Variants in HSD17B14 observed in about 807,000 individuals in gnomAD.
HSD17B14 encodes the protein hydroxysteroid 17-beta dehydrogenase 14.
In HSD17B14, 32 loss-of-function variants were observed where a neutral mutation model predicts 32.2. That is an observed-to-expected ratio of 0.99 (90% CI 0.75 to 1.33). The LOEUF is 1.33. HSD17B14 is among the 40% of genes most tolerant of loss of function. The pLI is 0.00. For missense variants in HSD17B14, 370 were observed against 366.5 expected (o/e 1.01, Z -0.08); for synonymous variants, 140 against 155.4 (o/e 0.90, Z 0.74).
intron 5 of HSD17B14, among the ~76,000 whole-genome samples, chr19:48,822,283 G>A (rs1414127450): frequency 2.0e-5 from 3 of 150,846 alleles, no homozygotes; most frequent in African/African-American, 7.3e-5. Context: ...TGATGATGAT[G>A]AGGATGGTGA....
At chr19:48,833,591 C>T (rs1236633419) in intron 3 of HSD17B14, among the ~76,000 whole-genome samples, 2 of 152,062 alleles carry the variant, frequency 1.3e-5, no homozygotes, top group Admixed American at 6.6e-5. Context: ...CTTTGGGAGG[C>T]TGAGGCGGGC....
intron 5 of HSD17B14, among the ~76,000 whole-genome samples, chr19:48,821,047 C>A (rs1256485721): frequency 7.3e-6 from 1 of 137,662 alleles, no homozygotes; most frequent in African/African-American, 2.8e-5. Context: ...GAGTCTCACT[C>A]TGTCACCCAG....
Position 48,813,681 on chromosome 19 carries a change from T to A in HSD17B14, c.524A>T (p.Tyr175Phe). 1 of 1,614,100 alleles carries A rather than the reference T, an allele frequency of 6.2e-7. No individual in the cohort carries two copies. The highest frequency in any genetic ancestry group is 8.5e-7 in the Non-Finnish European group (1 of 1,180,014). ...TKALALDESP[Y>F]GVRVNCISPG... ...AGCTCACCAGTTGACTCGGACACCA[T>A]ATGGACTTTCATCCAGGGCCAAAGC... The change falls in exon 7 of 9, where the codon TAT becomes TTT. Residue 175 changes from tyrosine to phenylalanine, a missense_variant. Tyr to Phe is a conservative substitution (Grantham distance 22). Transcript: ENST00000263278.
Position 48,831,817 on chromosome 19 carries a change from C to T in HSD17B14, c.278-58G>A, listed in dbSNP as rs1057496047. ...GACGGGGGCTGGACACAGTTGCCCA[C>T]GCCTGTAATCCCAGCACTTTGGGAG... On this transcript the variant is annotated intron_variant, in intron 4 of 8. Transcript: ENST00000263278. The T allele has an allele frequency of 3.6e-5, 35 of 975,766 alleles. No homozygotes were observed. The African/African-American group carries it at 3.9e-4, about 11-fold the overall frequency. 60.4% of individuals were successfully genotyped at this position (975,766 alleles called of 1,614,324 possible).
At chr19:48,816,162 G>T (rs2035048174) in intron 5 of HSD17B14, among the ~76,000 whole-genome samples, 1 of 151,962 alleles carries the variant, frequency 6.6e-6, no homozygotes, top group Non-Finnish European at 1.5e-5. Context: ...ACATGACCTT[G>T]GATAAACTCA....
chr19:48,824,630 G>C (rs1211170880), intron 5 of HSD17B14, among the ~76,000 whole-genome samples: 2 of 151,844 alleles, frequency 1.3e-5, no homozygotes, highest in Non-Finnish European at 2.9e-5. Context: ...GCCCGGTGTA[G>C]TGGTGCGTGC....
intron 5 of HSD17B14, among the ~76,000 whole-genome samples, chr19:48,823,993 A>G (rs372949414): frequency 7.0e-6 from 1 of 143,776 alleles, no homozygotes; most frequent in Non-Finnish European, 1.5e-5. Flanking sequence ...GGTGGGTCAC[A>G]CCTGTAATCC....
At chr19:48,814,320 G>A (rs2035015156) in intron 6 of HSD17B14, among the ~76,000 whole-genome samples, 1 of 150,058 alleles carries the variant, frequency 6.7e-6, no homozygotes, top group African/African-American at 2.5e-5. Context: ...GGGAGTTCGA[G>A]ACCAGCCTGA....
chr19:48,825,724 G>A (rs187401055), intron 5 of HSD17B14, among the ~76,000 whole-genome samples: 18 of 152,256 alleles, frequency 1.2e-4, no homozygotes, highest in African/African-American at 4.3e-4. Context: ...CTTGCATGAC[G>A]TTGCAGGTAA....
chr19:48,816,617 G>A (rs893522925), intron 5 of HSD17B14, among the ~76,000 whole-genome samples: 4 of 152,000 alleles, frequency 2.6e-5, no homozygotes, highest in African/African-American at 7.2e-5. Context: ...ACCCTGATCC[G>A]AGGTCACCTC....
At chr19:48,828,010 G>A (rs779319235) in intron 5 of HSD17B14, among the ~76,000 whole-genome samples, 1 of 151,524 alleles carries the variant, frequency 6.6e-6, no homozygotes, top group African/African-American at 2.4e-5. Flanking sequence ...GCCCGCCACC[G>A]CGCCCAGCTA....
intron 5 of HSD17B14, among the ~76,000 whole-genome samples, chr19:48,827,570 C>T (rs1354225866): frequency 6.6e-6 from 1 of 151,920 alleles, no homozygotes; most frequent in Non-Finnish European, 1.5e-5. Context: ...TAGAGTCTTG[C>T]TCTGTTGCCC....
rs1236282185 is a variant in HSD17B14, at chr19:48,836,432, T to C, written c.-21A>G. 16 of 1,611,620 alleles carry C rather than the reference T, an allele frequency of 9.9e-6. No individual in the cohort carries two copies. Among genetic ancestry groups the C allele is most frequent in the Non-Finnish European group, 1.4e-5 (16 of 1,179,156 alleles). The stretch of plus-strand genomic sequence containing the variant: ...GCCATCCCGTGTACGTCGGTCTCTC[T>C]CTCTCTCTACTCTGGGCCTCTTTCA... On this transcript the variant is annotated 5_prime_UTR_variant, in exon 1 of 9. Coordinates refer to ENST00000263278, the MANE Select transcript of HSD17B14 (RefSeq NM_016246.3).
intron 5 of HSD17B14, among the ~76,000 whole-genome samples, chr19:48,819,578 C>T (rs762320958): frequency 6.6e-6 from 1 of 152,172 alleles, no homozygotes; most frequent in South Asian, 2.1e-4. Context: ...AACCCTGTCT[C>T]GCTGCCAGGC....
At chr19:48,816,275 G>A (rs2035050102) in intron 5 of HSD17B14, among the ~76,000 whole-genome samples, 1 of 152,126 alleles carries the variant, frequency 6.6e-6, no homozygotes, top group South Asian at 2.1e-4. Context: ...CCCCTAGCAG[G>A]CTCTCCGAGT....
At chr19:48,824,850 C>T (rs959235193) in intron 5 of HSD17B14, among the ~76,000 whole-genome samples, 1 of 151,864 alleles carries the variant, frequency 6.6e-6, no homozygotes, top group East Asian at 1.9e-4. Flanking sequence ...CTGTACTATT[C>T]TAGGAATATT....
chr19:48,821,941 GT>G (rs2035157889), intron 5 of HSD17B14, among the ~76,000 whole-genome samples: 27 of 13,132 alleles, frequency 2.1e-3, no homozygotes. Context: ...GGATGGTGAC[GT>G]GGTAATGATG....
chr19:48,831,058 C>T (rs2035328354), intron 5 of HSD17B14, among the ~76,000 whole-genome samples: 2 of 151,986 alleles, frequency 1.3e-5, no homozygotes, highest in Non-Finnish European at 2.9e-5. Context: ...CTGTCTTGAA[C>T]TCCTGACCTC....
In HSD17B14 at chr19:48,826,523, AAG is replaced by A. The variant is rs1290266783; in HGVS notation, c.369+5143_369+5144del. On this transcript the variant is annotated intron_variant, in intron 5 of 8. Transcript: ENST00000263278. ...AAAAAAAAAAAAAGTAAAAGAAAAG[AAG>A]AAAATATATATATATATACACACAC... Among the ~76,000 whole-genome samples, 41 of 72,204 alleles carry A rather than the reference AAG, an allele frequency of 5.7e-4. 2 individuals carry two copies. Among genetic ancestry groups the A allele is most frequent in the Non-Finnish European group, 8.7e-4 (35 of 40,088 alleles). 47.4% of individuals were successfully genotyped at this position (72,204 alleles called of 152,430 possible).
Sources: gnomAD v4.1 joint callset for allele counts (sites outside exome capture counted in the v4.1 genomes callset) on GRCh38, gnomAD v4.1.1 for gene constraint, MANE v1.5 for transcripts, NCBI Gene and HGNC (gene_info 2026-07-23, HGNC 2026-07-21) for gene names.